TSC22D1: variants seen among roughly 807,000 people sequenced by gnomAD.
TSC22D1 encodes TSC22 domain family member 1, also known as TSC22 domain family protein 1.
TSC22D1 carries 9 observed loss-of-function variants against 74.2 expected under a neutral mutation model. That is an observed-to-expected ratio of 0.12 (90% CI 0.07 to 0.21). TSC22D1 has a LOEUF of 0.21. Among genes scored for constraint, TSC22D1 ranks in the 10% least tolerant of loss-of-function variants. The probability of loss-of-function intolerance (pLI) is 1.00; values close to 1 mark genes in which losing one functional copy is unlikely to be tolerated. For missense variants in TSC22D1, 1,427 were observed against 1,304.7 expected (o/e 1.09, Z -1.44); for synonymous variants, 586 against 492.5 (o/e 1.19, Z -2.51).
chr13:44,529,732 T>C (rs758024438), intron 1 of TSC22D1, among the ~76,000 whole-genome samples: 68 of 152,212 alleles, frequency 4.5e-4, no homozygotes, highest in Admixed American at 1.5e-3. Context: ...ATAGCAAGGT[T>C]GAAGAATATA....
Position 44,493,823 on chromosome 13 carries a change from G to A in TSC22D1, c.2913-57728C>T, listed in dbSNP as rs552031142. On this transcript the variant is annotated intron_variant, in intron 1 of 2. Coordinates refer to ENST00000458659, the MANE Select transcript of TSC22D1 (RefSeq NM_183422.4). ...TATTTTGGAAGTAGTGGTGAGGTGG[G>A]TGGTGAGGCTCCAGGTATTCAAGGC... Among the ~76,000 whole-genome samples, 3 of 152,272 alleles carry A rather than the reference G, an allele frequency of 2.0e-5. No individual in the cohort carries two copies. The East Asian group carries it at 5.8e-4, about 29-fold the overall frequency.
chr13:44,511,086 T>G (rs928708), intron 1 of TSC22D1, among the ~76,000 whole-genome samples: 65,455 of 151,838 alleles, frequency 0.43, 14,501 homozygotes, highest in Non-Finnish European at 0.48. Context: ...AGGGAGACCA[T>G]CCTGGGCAAC....
rs1471043864 is a variant in TSC22D1 at position 44,433,223 on chromosome 13, C to T, written c.*1403G>A. ...TCAAGGACTCCTAGAATTTTAAAGC[C>T]AAAGGGGAATGTAAGAGATCATCTC... On this transcript the variant is annotated 3_prime_UTR_variant, in exon 3 of 3. Transcript: ENST00000458659. 6.6e-6 allele frequency: 1 copy of T among 152,200 alleles called. No homozygotes were observed. The highest frequency in any genetic ancestry group is 1.5e-5 in the Non-Finnish European group (1 of 68,056). The allele number at this position is 152,200 out of a possible 1,614,324, so 9.4% of individuals were successfully genotyped here.
chr13:44,513,836 TC>T (rs1879848269), intron 1 of TSC22D1, among the ~76,000 whole-genome samples: 2 of 152,186 alleles, frequency 1.3e-5, no homozygotes, highest in Admixed American at 1.3e-4. Flanking sequence ...AAAAGAGAAT[TC>T]AGATGACAAG....
At chr13:44,573,028 T>C in intron 1 of TSC22D1, 135 bp downstream of exon 1, 1 of 1,296,636 alleles carries the variant, frequency 7.7e-7, no homozygotes, top group Non-Finnish European at 1.0e-6. Context: ...TCTATAAAAC[T>C]TCCCATAAAA....
intron 1 of TSC22D1, among the ~76,000 whole-genome samples, chr13:44,510,071 T>C (rs951179890): frequency 6.7e-6 from 1 of 150,118 alleles, no homozygotes; most frequent in Non-Finnish European, 1.5e-5. Context: ...CTTGTCAGCA[T>C]ATATTAGGAG....
intron 1 of TSC22D1, among the ~76,000 whole-genome samples, chr13:44,492,494 G>C (rs1319343750): frequency 6.6e-6 from 1 of 152,120 alleles, no homozygotes; most frequent in East Asian, 1.9e-4. Context: ...TCAATACTGA[G>C]TGAAAAATGT....
At chr13:44,550,216 A>G (rs1882137926) in intron 1 of TSC22D1, among the ~76,000 whole-genome samples, 1 of 152,180 alleles carries the variant, frequency 6.6e-6, no homozygotes, top group Non-Finnish European at 1.5e-5. Flanking sequence ...AAAAGCCACA[A>G]CGGATCTTAG....
At chr13:44,458,045 G>A (rs1024762520) in intron 1 of TSC22D1, among the ~76,000 whole-genome samples, 21 of 152,188 alleles carry the variant, frequency 1.4e-4, no homozygotes, top group Admixed American at 1.3e-3. Flanking sequence ...CAAGTTCTAG[G>A]ATCTACTTTC....
chr13:44,534,232 A>G (rs1203304215), intron 1 of TSC22D1, among the ~76,000 whole-genome samples: 3 of 102,314 alleles, frequency 2.9e-5, no homozygotes, highest in Non-Finnish European at 6.2e-5. Flanking sequence ...TCTCAAGGAG[A>G]AAAAAAAAAA....
chr13:44,562,854 C>T (rs945876589), intron 1 of TSC22D1, among the ~76,000 whole-genome samples: 2 of 152,184 alleles, frequency 1.3e-5, no homozygotes, highest in African/African-American at 4.8e-5. Flanking sequence ...TGCCCGTAAT[C>T]CCAACACTTT....
chr13:44,434,854 C>A lies in TSC22D1; in HGVS notation c.2994G>T (p.Ala998=). ...MDLVKSHLMY[A]VREEVEVLKE... Reference sequence around the variant, plus strand: ...TGAGGACCTCCACTTCTTCTCTGACCGCATACATCAAATGGCTTTTCACTA... The same window carrying A: ...TGAGGACCTCCACTTCTTCTCTGACAGCATACATCAAATGGCTTTTCACTA... Residue 998 remains alanine, a synonymous_variant, in exon 3 of 3, where the codon GCG becomes GCT. Coordinates refer to ENST00000458659, the MANE Select transcript of TSC22D1 (RefSeq NM_183422.4). The A allele has an allele frequency of 6.2e-7, 1 of 1,613,658 alleles. No individual in the cohort carries two copies. Among genetic ancestry groups the A allele is most frequent in the Admixed American group, 1.7e-5 (1 of 59,992 alleles).
chr13:44,472,987 G>A (rs1050708350), intron 1 of TSC22D1, among the ~76,000 whole-genome samples: 4 of 152,148 alleles, frequency 2.6e-5, no homozygotes, highest in Non-Finnish European at 5.9e-5. Flanking sequence ...AATTATGACG[G>A]AAGGCAAGGA....
chr13:44,435,095 T>C (rs1466201899), intron 2 of TSC22D1: 11 of 519,736 alleles, frequency 2.1e-5, no homozygotes, highest in Non-Finnish European at 3.7e-5. Context: ...TAAAAGTCTG[T>C]GCTTCTCTGC....
intron 1 of TSC22D1, among the ~76,000 whole-genome samples, chr13:44,451,157 G>A (rs901122268): frequency 2.0e-5 from 3 of 152,244 alleles, no homozygotes; most frequent in African/African-American, 7.2e-5. Flanking sequence ...TGCGTCCTTT[G>A]AGAAAGCTCA....
At position 44,434,767 on chromosome 13, in the gene TSC22D1, C is replaced by G; in HGVS notation, c.3081G>C (p.Leu1027=). Residue 1027 remains leucine, a synonymous_variant, in exon 3 of 3, where the codon CTG becomes CTC. Coordinates refer to ENST00000458659, the MANE Select transcript of TSC22D1 (RefSeq NM_183422.4). Reference sequence around the variant, plus strand: ...GCTGCTCAGGACTGGCCAGTGTCTTCAGCAGATTGTTCTCCTGCTCCAGCT... The same window carrying G: ...GCTGCTCAGGACTGGCCAGTGTCTTGAGCAGATTGTTCTCCTGCTCCAGCT... ...NSQLEQENNL[L]KTLASPEQLA... The G allele has an allele frequency of 6.2e-7, 1 of 1,614,046 alleles. No homozygotes were observed. The highest frequency in any genetic ancestry group is 8.5e-7 in the Non-Finnish European group (1 of 1,180,046).
chr13:44,575,588 T>C lies in TSC22D1; in HGVS notation c.487A>G (p.Thr163Ala). 2 of 1,614,032 alleles carry C rather than the reference T, an allele frequency of 1.2e-6. No individual in the cohort carries two copies. Among genetic ancestry groups the C allele is most frequent in the Middle Eastern group, 3.3e-4 (2 of 6,016 alleles). The change falls in exon 1 of 3, where the codon ACT (threonine) becomes GCT (alanine). Residue 163 changes from threonine (T) to alanine (A), a missense_variant. Thr to Ala is a moderately conservative substitution (Grantham distance 58). Coordinates refer to ENST00000458659, the MANE Select transcript of TSC22D1 (RefSeq NM_183422.4). ...EILDVSLSRA[T>A]DLGEPERSSS... ...CTGCGTTCGGGCTCCCCTAAGTCAGTAGCCCTGGAAAGTGACACATCAAGG... is the reference window on the plus strand; with the variant it reads ...CTGCGTTCGGGCTCCCCTAAGTCAGCAGCCCTGGAAAGTGACACATCAAGG...
chr13:44,448,238 G>A (rs1192782110), intron 1 of TSC22D1, among the ~76,000 whole-genome samples: 2 of 152,102 alleles, frequency 1.3e-5, no homozygotes. Flanking sequence ...GCACAGCTAT[G>A]AAAAATAGAT....
intron 1 of TSC22D1, among the ~76,000 whole-genome samples, chr13:44,551,577 C>T (rs981416580): frequency 1.2e-4 from 18 of 152,158 alleles, no homozygotes; most frequent in African/African-American, 4.1e-4. Flanking sequence ...CGTGCCACCA[C>T]GCCTGGCTAA....
Sources: gnomAD v4.1 joint callset for allele counts (sites outside exome capture counted in the v4.1 genomes callset) on GRCh38, gnomAD v4.1.1 for gene constraint, MANE v1.5 for transcripts, NCBI Gene and HGNC (gene_info 2026-07-23, HGNC 2026-07-21) for gene names.